BNIP5: variants seen among roughly 807,000 people sequenced by gnomAD.
The protein encoded by BNIP5 is protein BNIP5.
In BNIP5, 61 loss-of-function variants were observed where a neutral mutation model predicts 67.3. That is an observed-to-expected ratio of 0.91 (90% confidence interval 0.74 to 1.12). The LOEUF is 1.12. Ranked by LOEUF, BNIP5 falls within the 50% of genes most tolerant of loss-of-function variation. The pLI, the probability that BNIP5 is intolerant of heterozygous loss-of-function variation, is 0.00. For synonymous variants in BNIP5, 317 were observed against 319.0 expected, an observed-to-expected ratio of 0.99 and a Z score of 0.07; for missense variants, 826 against 816.3, an observed-to-expected ratio of 1.01 and a Z score of -0.14.
chr6:36,334,017 C>CG (rs768293905), intron 1 of BNIP5, among the ~76,000 whole-genome samples: 2 of 152,310 alleles, frequency 1.3e-5, no homozygotes, highest in Admixed American at 6.5e-5. Context: ...ACCCAGTTAA[C>CG]GGGAAGAGAG....
At position 36,330,112 on chromosome 6, in the gene BNIP5, G is replaced by A. The variant is rs140762727; in HGVS notation, c.579C>T (p.Ser193=). 2.4e-5 allele frequency: 38 copies of A among 1,610,082 alleles called. No homozygotes were observed. In the African/African-American group the frequency reaches 3.1e-4, roughly 13 times the overall value. ...GAGCTGGGCCCAGGTCAGCCTCCCC[G>A]GAGCGCAAGGCAGCAGCTGCCTTGG... ...GLSKAAAALR[S]GEADLGPARR... is the part of the protein sequence containing the mutation. Residue 193 remains serine, a synonymous_variant, in exon 2 of 12, where the codon TCC becomes TCT. Transcript: ENST00000437635.
At position 36,322,478 on chromosome 6, in the gene BNIP5, A is replaced by G. The variant is rs376469374; in HGVS notation, c.1472-36T>C. ...AAAAGAGTTGTTGAGTGTTTTGCAG[A>G]GAGCTGAATCTAGTTCCTGACAAGA... is the stretch of plus-strand genomic sequence containing the variant. On this transcript the variant is annotated intron_variant, in intron 8 of 11. Transcript: ENST00000437635. The G allele has an allele frequency of 2.5e-5, 40 of 1,595,366 alleles. No homozygotes were observed. The African/African-American group carries it at 4.8e-4, about 19-fold the overall frequency.
chr6:36,317,475 C>T (rs983439063), intron 11 of BNIP5, 84 bp from the exon 12 acceptor site: 1 of 1,147,578 alleles, frequency 8.7e-7, no homozygotes, highest in Non-Finnish European at 1.3e-6. Flanking sequence ...TTCCCATTAT[C>T]CCATTGACAC....
In BNIP5 at chr6:36,316,500, C is replaced by A. The variant is rs1771518445; in HGVS notation, c.*856G>T. On this transcript the variant is annotated 3_prime_UTR_variant, in exon 12 of 12. Transcript: ENST00000437635. The stretch of plus-strand genomic sequence containing the variant: ...ATCTACAAATCCACAATGTCTAGGA[C>A]ATGAATAGTACCTCCTGGAGTATGG... 2.5e-6 allele frequency: 1 copy of A among 398,538 alleles called. No individual in the cohort carries two copies. The highest frequency in any genetic ancestry group is 2.1e-5 in the African/African-American group (1 of 48,632). The allele number at this position is 398,538 out of a possible 1,614,324, so 24.7% of individuals were successfully genotyped here. A position where few individuals can be genotyped will look rare whatever the true frequency, so the allele number is the denominator to read the frequency against.
At chr6:36,329,969 G>A in intron 2 of BNIP5, 112 bp downstream of exon 2, 1 of 1,224,764 alleles carries the variant, frequency 8.2e-7, no homozygotes, top group Admixed American at 2.4e-5. Flanking sequence ...AGTCACAGCG[G>A]TGCCGGCCCC....
In BNIP5 at chr6:36,326,540, C is replaced by A. The variant is rs376079446; in HGVS notation, c.1006G>T (p.Gly336Cys). 2 of 1,614,118 alleles carry A rather than the reference C, an allele frequency of 1.2e-6. No homozygotes were observed. The highest frequency in any genetic ancestry group is 2.7e-5 in the African/African-American group (2 of 74,932). ...CTGCTGGAGATGGAAGGCCGATGGC[C>A]GCTGACACACAGGGGCAGAAAGCTG... is the stretch of plus-strand genomic sequence containing the variant. The part of the protein sequence containing the change: ...KSSFLPLCVS[G>C]HRPSISSSYG... Residue 336 changes from glycine (G) to cysteine (C), a missense_variant, in exon 5 of 12, where the codon GGC becomes TGC. Gly to Cys is a radical substitution (Grantham distance 159). Coordinates refer to ENST00000437635, the MANE Select transcript of BNIP5 (RefSeq NM_001010903.5).
chr6:36,317,310 G>T lies in BNIP5; in HGVS notation c.*46C>A. ...TTCAGGGTCTCCTGGCTAAAGCTGC[G>T]AACCATTTGGCTAGTTCAAGGGAAT... On this transcript the variant is annotated 3_prime_UTR_variant, in exon 12 of 12. Coordinates refer to ENST00000437635, the MANE Select transcript of BNIP5 (RefSeq NM_001010903.5). The T allele has an allele frequency of 2.0e-6, 3 of 1,532,780 alleles. No homozygotes were observed. Among genetic ancestry groups the T allele is most frequent in the African/African-American group, 1.4e-5 (1 of 73,286 alleles). 94.9% of individuals were successfully genotyped at this position (1,532,780 alleles called of 1,614,324 possible). A position where few individuals can be genotyped will look rare whatever the true frequency, so the allele number is the denominator to read the frequency against.
intron 11 of BNIP5, among the ~76,000 whole-genome samples, chr6:36,317,984 A>G (rs921864396): frequency 1.3e-5 from 2 of 152,192 alleles, no homozygotes; most frequent in Non-Finnish European, 2.9e-5. Flanking sequence ...CCTATTCTCT[A>G]GGAGAAGACA....
At position 36,330,168 on chromosome 6, in the gene BNIP5, G is replaced by C; in HGVS notation, c.523C>G (p.Gln175Glu). Residue 175 changes from glutamine to glutamate, a missense_variant, in exon 2 of 12, where the codon CAG (glutamine) becomes GAG (glutamate). Physicochemically the swap from Gln to Glu is conservative, Grantham distance 29. Coordinates refer to ENST00000437635, the MANE Select transcript of BNIP5 (RefSeq NM_001010903.5). ...AAEVTKAAQD[Q>E]EARGREEGLS... ...CCTTCCTCTCGGCCTCTGGCCTCCT[G>C]GTCTTGAGCTGCCTTAGTCACCTCG... is the stretch of plus-strand genomic sequence containing the variant. 1.2e-6 allele frequency: 2 copies of C among 1,613,946 alleles called. No individual in the cohort carries two copies. The highest frequency in any genetic ancestry group is 3.3e-5 in the Admixed American group (2 of 60,016).
In BNIP5 at chr6:36,317,282, A is replaced by G; in HGVS notation, c.*74T>C. ...AGCAGGGATTGGGACATCACAGAGC[A>G]TCTTCAGGGTCTCCTGGCTAAAGCT... is the stretch of plus-strand genomic sequence containing the variant. On this transcript the variant is annotated 3_prime_UTR_variant, in exon 12 of 12. Transcript: ENST00000437635. 8.5e-6 allele frequency: 10 copies of G among 1,169,668 alleles called. No homozygotes were observed. In the Middle Eastern group the frequency reaches 1.7e-3, roughly 202 times the overall value. The allele number at this position is 1,169,668 out of a possible 1,614,324, so 72.5% of individuals were successfully genotyped here.
intron 1 of BNIP5, among the ~76,000 whole-genome samples, chr6:36,336,088 A>T (rs1772011918): frequency 6.6e-6 from 1 of 152,134 alleles, no homozygotes; most frequent in Non-Finnish European, 1.5e-5. Flanking sequence ...CTGTGTGAGG[A>T]GTCGGTCAGG....
Position 36,326,849 on chromosome 6 carries a change from C to A in BNIP5, c.793-96G>T, listed in dbSNP as rs143253495. ...GAAGAGCAGCCAAGCTGCAAGATGGCCCCGAGAGAGGGGAGGCAGCAGAGC... is the reference window on the plus strand; with the variant it reads ...GAAGAGCAGCCAAGCTGCAAGATGGACCCGAGAGAGGGGAGGCAGCAGAGC... On this transcript the variant is annotated intron_variant, in intron 4 of 11. Coordinates refer to ENST00000437635, the MANE Select transcript of BNIP5 (RefSeq NM_001010903.5). 4 of 1,560,340 alleles carry A rather than the reference C, an allele frequency of 2.6e-6. No homozygotes were observed. The African/African-American group carries it at 5.4e-5, about 21-fold the overall frequency.
In BNIP5 at chr6:36,325,275, G is replaced by A. The variant is rs1440588203; in HGVS notation, c.1168+8C>T. ...AGGGGTGTCTGAGAAAAAGAGAGGA[G>A]TACTGACTGTATTCCGAGGCTCTGT... is the stretch of plus-strand genomic sequence containing the variant. On this transcript the variant is annotated splice_region_variant and intron_variant, in intron 6 of 11. Coordinates refer to ENST00000437635, the MANE Select transcript of BNIP5 (RefSeq NM_001010903.5). The A allele has an allele frequency of 1.2e-6, 2 of 1,613,668 alleles. No homozygotes were observed. Among genetic ancestry groups the A allele is most frequent in the African/African-American group, 2.7e-5 (2 of 74,910 alleles).
intron 5 of BNIP5, among the ~76,000 whole-genome samples, chr6:36,325,687 T>G (rs1482272928): frequency 1.3e-5 from 2 of 152,030 alleles, no homozygotes; most frequent in Non-Finnish European, 2.9e-5. Context: ...AGTTGAAGAG[T>G]AGAGGCCTGG....
chr6:36,330,234 T>C lies in BNIP5; in HGVS notation c.457A>G (p.Lys153Glu). 1 of 1,614,120 alleles carries C rather than the reference T, an allele frequency of 6.2e-7. No individual in the cohort carries two copies. The highest frequency in any genetic ancestry group is 8.5e-7 in the Non-Finnish European group (1 of 1,180,016). The change falls in exon 2 of 12, where the codon AAG becomes GAG. Residue 153 changes from lysine to glutamate, a missense_variant. By Grantham distance (56) the Lys-to-Glu change is moderately conservative (BLOSUM62 1). Transcript: ENST00000437635. ...TGACCTTGCTTCTTGCGGCTGGGCT[T>C]CTTGTCGTGGTGGGCTTTCTTCCTG... ...ALRKKAHHDK[K>E]PSRKKQGHKK...
chr6:36,322,190 G>C (rs1469137213), intron 9 of BNIP5, 121 bp downstream of exon 9: 2 of 1,276,642 alleles, frequency 1.6e-6, no homozygotes, highest in East Asian at 2.3e-5. Context: ...AGTCTCCTGG[G>C]GTCTTTGCCT....
chr6:36,330,726 TTTTG>T (rs780869859), intron 1 of BNIP5, 32 bp from the exon 2 acceptor site: 64 of 1,517,466 alleles, frequency 4.2e-5, no homozygotes, highest in Middle Eastern at 1.8e-4. Context: ...CCCTTAGTTT[TTTTG>T]TTTGTTTGTT....
intron 1 of BNIP5, among the ~76,000 whole-genome samples, chr6:36,331,214 G>T (rs1771898617): frequency 6.6e-6 from 1 of 152,154 alleles, no homozygotes; most frequent in South Asian, 2.1e-4. Context: ...AACCCTCGGG[G>T]AATGGGGGTC....
intron 7 of BNIP5, 108 bp from the exon 8 acceptor site, chr6:36,323,641 G>A (rs1009328122): frequency 5.1e-5 from 66 of 1,284,082 alleles, no homozygotes; most frequent in Non-Finnish European, 1.4e-5. Flanking sequence ...GCCCAGAGAA[G>A]AGTGGTTGAT....
Sources: gnomAD v4.1 joint callset for allele counts (sites outside exome capture counted in the v4.1 genomes callset) on GRCh38, gnomAD v4.1.1 for gene constraint, MANE v1.5 for transcripts, NCBI Gene and HGNC (gene_info 2026-07-23, HGNC 2026-07-21) for gene names.